Variants in HHAT observed in about 807,000 individuals in gnomAD.
HHAT encodes hedgehog acyltransferase, also known as protein-cysteine N-palmitoyltransferase HHAT.
HHAT carries 47 observed loss-of-function variants against 70.8 expected under a neutral mutation model. The ratio of observed to expected loss-of-function variants is 0.66; its 90% CI spans 0.53 to 0.85. HHAT has a LOEUF of 0.85. HHAT is among the 40% of genes least tolerant of loss of function. The pLI, the probability that HHAT is intolerant of heterozygous loss-of-function variation, is 0.00. For missense variants in HHAT, 609 were observed against 604.8 expected (o/e 1.01, Z -0.07); for synonymous variants, 228 against 247.6 (o/e 0.92, Z 0.74).
rs549131185 is a variant in HHAT, at chr1:210,642,738, G to A, written c.1390+19068G>A. 5.9e-5 allele frequency among the ~76,000 whole-genome samples: 9 copies of A among 152,206 alleles called. No individual in the cohort carries two copies. In the East Asian group the frequency reaches 1.7e-3, roughly 29 times the overall value. ...CTCGATTTATAGGCATATATTCTGG[G>A]TAAGAATTTTTTGTTGGTTTTATAT... On this transcript the variant is annotated intron_variant, in intron 11 of 11. Coordinates refer to ENST00000261458, the MANE Select transcript of HHAT (RefSeq NM_018194.6).
chr1:210,370,922 T>A (rs1248429459), intron 3 of HHAT, among the ~76,000 whole-genome samples: 2 of 152,028 alleles, frequency 1.3e-5, no homozygotes, highest in Non-Finnish European at 2.9e-5. Context: ...CTGCAGATCC[T>A]ATTTTTACGT....
intron 11 of HHAT, among the ~76,000 whole-genome samples, chr1:210,627,740 T>A (rs1029783153): frequency 5.9e-5 from 9 of 152,158 alleles, no homozygotes; most frequent in Non-Finnish European, 8.8e-5. Context: ...GTTTTTGCTT[T>A]AAAAAAAACT....
intron 11 of HHAT, among the ~76,000 whole-genome samples, chr1:210,647,081 T>G (rs543386079): frequency 6.6e-6 from 1 of 152,214 alleles, no homozygotes; most frequent in Non-Finnish European, 1.5e-5. Flanking sequence ...CTCCCAGTTC[T>G]GGAGGCTTGA....
intron 2 of HHAT, among the ~76,000 whole-genome samples, chr1:210,360,059 A>G (rs958420871): frequency 1.3e-5 from 2 of 152,192 alleles, no homozygotes; most frequent in African/African-American, 2.4e-5. Context: ...AGATATAATC[A>G]GAAATTCTGA....
chr1:210,604,390 A>G (rs1465916972), intron 10 of HHAT, among the ~76,000 whole-genome samples: 3 of 151,996 alleles, frequency 2.0e-5, no homozygotes, highest in Non-Finnish European at 4.4e-5. Context: ...CCAGCCTAAA[A>G]TAGTTTTATT....
At chr1:210,580,622 G>A (rs866496606) in intron 9 of HHAT, among the ~76,000 whole-genome samples, 1 of 151,808 alleles carries the variant, frequency 6.6e-6, no homozygotes, top group Non-Finnish European at 1.5e-5. Flanking sequence ...AGTTTGCTGA[G>A]GATGATGGTT....
intron 7 of HHAT, among the ~76,000 whole-genome samples, chr1:210,429,093 A>C (rs753867421): frequency 2.0e-5 from 3 of 151,834 alleles, no homozygotes; most frequent in African/African-American, 7.3e-5. Flanking sequence ...TCATAAGATG[A>C]TACTTAAACT....
intron 1 of HHAT, 72 bp downstream of exon 1, chr1:210,329,176 TAAA>T (rs113095614): frequency 1.8e-6 from 2 of 1,106,792 alleles, no homozygotes; most frequent in South Asian, 3.7e-5. Context: ...TTTACTCTGT[TAAA>T]AAAAAAATGC....
chr1:210,460,599 G>T (rs1043901363), intron 7 of HHAT, among the ~76,000 whole-genome samples: 5 of 152,156 alleles, frequency 3.3e-5, no homozygotes, highest in African/African-American at 1.2e-4. Context: ...TATAAGGGCT[G>T]TTAGCATGCC....
rs369871035 is a variant in HHAT at position 210,514,031 on chromosome 1, GGTAA to G, written c.1043+846_1043+849del. ...GTCTGTAGACTCCATGTGATTTTTGGGTAAGTGTTATGGTGGTTCTTTTCTGTAC... is the reference window on the plus strand; with the variant it reads ...GTCTGTAGACTCCATGTGATTTTTGGGTGTTATGGTGGTTCTTTTCTGTAC... On this transcript the variant is annotated intron_variant, in intron 9 of 11. Coordinates refer to ENST00000261458, the MANE Select transcript of HHAT (RefSeq NM_018194.6). Among the ~76,000 whole-genome samples the G allele has an allele frequency of 5.2e-3, 794 of 152,262 alleles. 4 individuals are homozygous for G. Among genetic ancestry groups the G allele is most frequent in the Middle Eastern group, 0.02 (6 of 294 alleles).
intron 11 of HHAT, among the ~76,000 whole-genome samples, chr1:210,638,286 A>G (rs185394554): frequency 1.3e-5 from 2 of 152,352 alleles, no homozygotes; most frequent in Admixed American, 6.5e-5. Flanking sequence ...AGTAGAAACA[A>G]TCCAAACATC....
chr1:210,568,002 C>G (rs994217551), intron 9 of HHAT, among the ~76,000 whole-genome samples: 2 of 152,212 alleles, frequency 1.3e-5, no homozygotes, highest in African/African-American at 4.8e-5. Flanking sequence ...TGACTGGTGG[C>G]TGGCAGCCCC....
At chr1:210,438,502 CAT>C (rs199698237) in intron 7 of HHAT, among the ~76,000 whole-genome samples, 30 of 151,864 alleles carry the variant, frequency 2.0e-4, no homozygotes, top group Middle Eastern at 3.4e-3. Context: ...GATATACCCA[CAT>C]ATATATATGT....
At chr1:210,566,722 C>T (rs544564824) in intron 9 of HHAT, among the ~76,000 whole-genome samples, 56 of 152,274 alleles carry the variant, frequency 3.7e-4, no homozygotes, top group Non-Finnish European at 7.2e-4. Flanking sequence ...CATTCCCCTT[C>T]CAGCTCCCTA....
At chr1:210,455,641 C>A (rs988312436) in intron 7 of HHAT, among the ~76,000 whole-genome samples, 1 of 152,076 alleles carries the variant, frequency 6.6e-6, no homozygotes, top group Non-Finnish European at 1.5e-5. Flanking sequence ...AATTTTGTAA[C>A]CTTTCTGTGC....
At chr1:210,574,463 C>T (rs1047183245) in intron 9 of HHAT, among the ~76,000 whole-genome samples, 2 of 152,208 alleles carry the variant, frequency 1.3e-5, no homozygotes, top group South Asian at 2.1e-4. Flanking sequence ...GGCCATAACA[C>T]AATGGGAATC....
At chr1:210,418,072 G>A in intron 6 of HHAT, 82 bp from the exon 7 acceptor site, 1 of 1,317,872 alleles carries the variant, frequency 7.6e-7, no homozygotes, top group Non-Finnish European at 1.1e-6. Flanking sequence ...AATATTTGTG[G>A]GAAGTTTATG....
chr1:210,565,280 G>A (rs1654426939), intron 9 of HHAT, among the ~76,000 whole-genome samples: 1 of 152,200 alleles, frequency 6.6e-6, no homozygotes, highest in African/African-American at 2.4e-5. Flanking sequence ...GAAAAAAGTG[G>A]TAGATGCAAG....
chr1:210,457,588 A>G (rs1034386707), intron 7 of HHAT, among the ~76,000 whole-genome samples: 6 of 152,122 alleles, frequency 3.9e-5, no homozygotes, highest in Non-Finnish European at 4.4e-5. Context: ...TTCGGAAGGC[A>G]GGGGTCAAAC....
Sources: allele counts gnomAD v4.1 joint callset (sites outside exome capture counted in the v4.1 genomes callset), GRCh38; gene constraint gnomAD v4.1.1; transcripts MANE v1.5; gene names NCBI Gene and HGNC (gene_info 2026-07-23, HGNC 2026-07-21).